The following SELENOO variants were observed in gnomAD, a reference collection of about 807,000 sequenced individuals.
SELENOO encodes the protein selenoprotein O, also known as protein adenylyltransferase SelO, mitochondrial.
SELENOO carries 74 observed loss-of-function variants against 58.7 expected under a neutral mutation model. That is an observed-to-expected ratio of 1.26 (90% CI 1.04 to 1.53). The LOEUF is 1.53. Among genes scored for constraint, SELENOO ranks in the 40% most tolerant of loss-of-function variants. The pLI is 0.00. For missense variants in SELENOO, 1,149 were observed against 970.0 expected, an observed-to-expected ratio of 1.18 and a Z score of -2.45; for synonymous variants, 543 against 453.2, an observed-to-expected ratio of 1.20 and a Z score of -2.52.
At chr22:50,210,070 TGA>T in intron 3 of SELENOO, 109 bp from the exon 4 acceptor site, 1 of 1,309,720 alleles carries the variant, frequency 7.6e-7, no homozygotes, top group Non-Finnish European at 1.1e-6. Context: ...AACTGCAGAG[TGA>T]GAGCCACTCA....
At position 50,217,489 on chromosome 22, in the gene SELENOO, C is replaced by G. The variant is rs576751322; in HGVS notation, c.*120C>G. 157 of 1,265,438 alleles carry G rather than the reference C, an allele frequency of 1.2e-4. 1 individual carries two copies. The highest frequency in any genetic ancestry group is 1.6e-4 in the Non-Finnish European group (149 of 914,678). 78.4% of individuals were successfully genotyped at this position (1,265,438 alleles called of 1,614,324 possible). The stretch of plus-strand genomic sequence containing the variant: ...GATTCTGCCCTGGCCCATGCACACC[C>G]GTCTTTCCATGATGGCAGAGACATC... On this transcript the variant is annotated 3_prime_UTR_variant, in exon 9 of 9. Transcript: ENST00000380903.
chr22:50,215,760 A>T lies in SELENOO; in HGVS notation c.1395A>T (p.Pro465=), dbSNP rs370285538. The T allele has an allele frequency of 1.8e-5, 29 of 1,610,482 alleles. No individual in the cohort carries two copies. In the African/African-American group the frequency reaches 3.5e-4, roughly 19 times the overall value. Residue 465 remains proline, a synonymous_variant, in exon 6 of 9, where the codon CCA becomes CCT. Transcript: ENST00000380903. The part of the protein sequence containing the change: ...TNTFYLLSSF[P]VELESPGLAE... The stretch of plus-strand genomic sequence containing the variant: ...CCTTCTACTTGCTGAGCTCCTTCCC[A>T]GTGGAGCTAGAGTCGCCAGGCCTGG...
In SELENOO at chr22:50,216,894, G is replaced by A. The variant is rs368206913; in HGVS notation, c.1688+18G>A. ...GCGTACAGGTGAGCCCTGCGTCCAT[G>A]GTCACCGGGGGACGGCGGGTCGCGT... On this transcript the variant is annotated intron_variant, in intron 7 of 8. Transcript: ENST00000380903. 146 of 1,603,932 alleles carry A rather than the reference G, an allele frequency of 9.1e-5. No individual in the cohort carries two copies. The highest frequency in any genetic ancestry group is 1.2e-4 in the Non-Finnish European group (137 of 1,177,466).
rs1602485797 is a variant in SELENOO at position 50,201,640 on chromosome 22, C to T, written c.554+50C>T. On this transcript the variant is annotated intron_variant, in intron 1 of 8. Coordinates refer to ENST00000380903, the MANE Select transcript of SELENOO (RefSeq NM_031454.2). ...CGGGTGGGTCCTCCCCGCCGGGGCGCCCCTTCCCTCCGCCCGGCGCGGTGT... is the reference window on the plus strand; with the variant it reads ...CGGGTGGGTCCTCCCCGCCGGGGCGTCCCTTCCCTCCGCCCGGCGCGGTGT... The T allele has an allele frequency of 6.7e-6, 8 of 1,189,602 alleles. No homozygotes were observed. The East Asian group carries it at 2.0e-4, about 30-fold the overall frequency. 73.7% of individuals were successfully genotyped at this position (1,189,602 alleles called of 1,614,324 possible). A position where few individuals can be genotyped will look rare whatever the true frequency, so the allele number is the denominator to read the frequency against.
chr22:50,208,186 C>G (rs1039617931), intron 2 of SELENOO, among the ~76,000 whole-genome samples: 3 of 152,156 alleles, frequency 2.0e-5, no homozygotes, highest in Non-Finnish European at 4.4e-5. Flanking sequence ...AATCCCAGCA[C>G]TTTGGGAGGC....
intron 1 of SELENOO, among the ~76,000 whole-genome samples, chr22:50,204,504 G>A (rs2064320027): frequency 1.3e-5 from 2 of 152,096 alleles, no homozygotes; most frequent in South Asian, 4.1e-4. Context: ...GAGCGTGCCT[G>A]TGATCCCAGC....
At position 50,217,265 on chromosome 22, in the gene SELENOO, G is replaced by T. The variant is rs1364404610; in HGVS notation, c.1906G>T (p.Asp636Tyr). Reference sequence around the variant, plus strand: ...CCACTGCGAGGCGGGGGCCGCCACAGACGCCGAGGCCACGGAAGCCGACGG... The same window carrying T: ...CCACTGCGAGGCGGGGGCCGCCACATACGCCGAGGCCACGGAAGCCGACGG... ...PYHCEAGAAT[D>Y]AEATEADGAD... Residue 636 changes from aspartate (D) to tyrosine (Y), a missense_variant, in exon 9 of 9, where the codon GAC (aspartate) becomes TAC (tyrosine). Physicochemically the swap from Asp to Tyr is radical, Grantham distance 160. Transcript: ENST00000380903. 1 of 1,611,986 alleles carries T rather than the reference G, an allele frequency of 6.2e-7. No homozygotes were observed. Among genetic ancestry groups the T allele is most frequent in the East Asian group, 2.2e-5 (1 of 44,880 alleles).
chr22:50,216,917 C>T (rs531598881), intron 7 of SELENOO, 41 bp downstream of exon 7: 26 of 1,601,790 alleles, frequency 1.6e-5, no homozygotes, highest in South Asian at 5.5e-5. Flanking sequence ...CGGCGGGTCG[C>T]GTGCTGGAAA....
At chr22:50,205,059 GA>G (rs1165331268) in intron 1 of SELENOO, among the ~76,000 whole-genome samples, 7 of 78,150 alleles carry the variant, frequency 9.0e-5, no homozygotes, top group East Asian at 3.3e-4. Context: ...AGACAAAGTA[GA>G]ATGGTGGGTC....
At chr22:50,212,366 A>C (rs1029146195) in intron 5 of SELENOO, among the ~76,000 whole-genome samples, 3 of 152,032 alleles carry the variant, frequency 2.0e-5, no homozygotes, top group Admixed American at 2.0e-4. Context: ...TTGGTAATTT[A>C]TGTTTCCAGG....
intron 1 of SELENOO, 42 bp from the exon 2 acceptor site, chr22:50,206,275 C>T (rs1386270633): frequency 4.4e-6 from 7 of 1,578,468 alleles, no homozygotes; most frequent in African/African-American, 1.3e-5. Flanking sequence ...GTTGGGTGAC[C>T]TCCTGACCGG....
rs1211155589 is a variant in SELENOO at position 50,201,299 on chromosome 22, C to T, written c.263C>T (p.Thr88Ile). The change falls in exon 1 of 9, where the codon ACC becomes ATC. Residue 88 changes from threonine (T) to isoleucine (I), a missense_variant. Transcript: ENST00000380903. ...PGACFTRVQPTPLRQPRLVAL... is the reference protein window; with the variant it reads ...PGACFTRVQPIPLRQPRLVAL... Reference sequence around the variant, plus strand: ...GCCTGCTTCACCCGCGTGCAGCCCACCCCGCTGCGGCAGCCGCGCCTCGTG... The same window carrying T: ...GCCTGCTTCACCCGCGTGCAGCCCATCCCGCTGCGGCAGCCGCGCCTCGTG... 127 of 1,100,702 alleles carry T rather than the reference C, an allele frequency of 1.2e-4. No homozygotes were observed. Among genetic ancestry groups the T allele is most frequent in the Admixed American group, 2.6e-4 (5 of 19,472 alleles). The allele number at this position is 1,100,702 out of a possible 1,614,324, so 68.2% of individuals were successfully genotyped here.
chr22:50,206,210 A>G (rs2064331804), intron 1 of SELENOO, 107 bp from the exon 2 acceptor site: 6 of 957,710 alleles, frequency 6.3e-6, no homozygotes, highest in South Asian at 6.0e-5. Flanking sequence ...GGGACGTGCA[A>G]GCTGCTCACG....
intron 5 of SELENOO, among the ~76,000 whole-genome samples, chr22:50,215,379 C>G (rs974288688): frequency 6.6e-6 from 1 of 151,612 alleles, no homozygotes; most frequent in Admixed American, 6.6e-5. Context: ...GTGGAGGGCT[C>G]AGGAGTCCCA....
chr22:50,215,693 C>T (rs1360460035), intron 5 of SELENOO, 24 bp from the exon 6 acceptor site: 14 of 1,557,414 alleles, frequency 9.0e-6, no homozygotes, highest in Non-Finnish European at 1.2e-5. Flanking sequence ...CTGCTTCCAG[C>T]TCCCTGAGCA....
At position 50,201,204 on chromosome 22, in the gene SELENOO, C is replaced by T. The variant is rs1282890755; in HGVS notation, c.168C>T (p.Arg56=). The change falls in exon 1 of 9, where the codon CGC becomes CGT. Residue 56 remains arginine, a synonymous_variant. Coordinates refer to ENST00000380903, the MANE Select transcript of SELENOO (RefSeq NM_031454.2). ...AGLRFDNRAL[R]ALPVEAPPPG... ...TGCGCTTCGACAACCGCGCCCTGCG[C>T]GCCCTGCCCGTGGAGGCGCCGCCGC... is the stretch of plus-strand genomic sequence containing the variant. 5.0e-6 allele frequency: 6 copies of T among 1,194,902 alleles called. No homozygotes were observed. Among genetic ancestry groups the T allele is most frequent in the Non-Finnish European group, 6.2e-6 (6 of 965,190 alleles). The allele number at this position is 1,194,902 out of a possible 1,614,324, so 74.0% of individuals were successfully genotyped here.
chr22:50,217,017 C>G lies in SELENOO; in HGVS notation c.1734C>G (p.Ala578=), dbSNP rs147786106. 68 of 1,611,806 alleles carry G rather than the reference C, an allele frequency of 4.2e-5. No individual in the cohort carries two copies. The highest frequency in any genetic ancestry group is 1.7e-4 in the Middle Eastern group (1 of 6,058). Residue 578 remains alanine (A), a synonymous_variant, in exon 8 of 9, where the codon GCC becomes GCG. Coordinates refer to ENST00000380903, the MANE Select transcript of SELENOO (RefSeq NM_031454.2). ...TGGAAGGCGCTGGGGACGCTGCCGC[C>G]TGGCAGGCTGAGCACGTGCGCGTGA... The part of the protein sequence containing the change: ...KDLEGAGDAA[A]WQAEHVRVMH...
At chr22:50,215,972 G>C in intron 6 of SELENOO, 105 bp downstream of exon 6, 1 of 1,037,760 alleles carries the variant, frequency 9.6e-7, no homozygotes. Context: ...CTGGGGCCCA[G>C]GTGGCTGCTC....
Position 50,201,550 on chromosome 22 carries a change from G to A in SELENOO, c.514G>A (p.Glu172Lys). ...GTGCACGGCGACCGGCGAGCGCTGG[G>A]AGCTGCAGCTCAAGGGCGCCGGGCC... is the stretch of plus-strand genomic sequence containing the variant. ...EVCTATGERW[E>K]LQLKGAGPTP... Residue 172 changes from glutamate to lysine, a missense_variant, in exon 1 of 9, where the codon GAG (glutamate) becomes AAG (lysine). Transcript: ENST00000380903. The A allele has an allele frequency of 2.9e-6, 4 of 1,385,110 alleles. No individual in the cohort carries two copies. The highest frequency in any genetic ancestry group is 3.8e-6 in the Non-Finnish European group (4 of 1,064,382). The allele number at this position is 1,385,110 out of a possible 1,614,324, so 85.8% of individuals were successfully genotyped here.
Sources: gnomAD v4.1 joint callset for allele counts (sites outside exome capture counted in the v4.1 genomes callset) on GRCh38, gnomAD v4.1.1 for gene constraint, MANE v1.5 for transcripts, NCBI Gene and HGNC (gene_info 2026-07-23, HGNC 2026-07-21) for gene names.